The following SHC3 variants were observed in gnomAD, a reference collection of about 807,000 sequenced individuals.
SHC3 encodes the protein SHC-transforming protein 3.
SHC3 carries 15 observed loss-of-function variants against 60.4 expected under a neutral mutation model. The observed-to-expected ratio is 0.25, with a 90% CI of 0.17 to 0.38. SHC3 has a LOEUF of 0.38. Ranked by LOEUF, SHC3 falls within the 10% of genes least tolerant of loss-of-function variation. SHC3 has a pLI of 1.00. For missense variants in SHC3, 677 were observed against 786.1 expected, an observed-to-expected ratio of 0.86 and a Z score of 1.66; for synonymous variants, 294 against 325.9, an observed-to-expected ratio of 0.90 and a Z score of 1.05.
intron 5 of SHC3, 79 bp downstream of exon 5, chr9:89,071,120 G>T: frequency 4.4e-6 from 6 of 1,366,608 alleles, no homozygotes; most frequent in Non-Finnish European, 6.2e-6. Context: ...ACAGTGTCTT[G>T]CAAGGCATAT....
In SHC3 at chr9:89,150,584, C is replaced by G. The variant is rs575412977; in HGVS notation, c.474+27403G>C. On this transcript the variant is annotated intron_variant, in intron 1 of 11. Transcript: ENST00000375835. ...ATACTATTCCGTTGTATGTATATACCACCTTCTGTTCATCTATTCAGCAAT... is the reference window on the plus strand; with the variant it reads ...ATACTATTCCGTTGTATGTATATACGACCTTCTGTTCATCTATTCAGCAAT... Among the ~76,000 whole-genome samples, 3 of 152,280 alleles carry G rather than the reference C, an allele frequency of 2.0e-5. No individual in the cohort carries two copies. The East Asian group carries it at 5.8e-4, about 29-fold the overall frequency.
At chr9:89,163,509 C>T (rs1169733700) in intron 1 of SHC3, among the ~76,000 whole-genome samples, 1 of 144,546 alleles carries the variant, frequency 6.9e-6, no homozygotes, top group Non-Finnish European at 1.5e-5. Flanking sequence ...AAACCAAACA[C>T]CGCATATTCT....
chr9:89,123,904 T>C (rs1000160654), intron 1 of SHC3, among the ~76,000 whole-genome samples: 2 of 152,172 alleles, frequency 1.3e-5, no homozygotes, highest in African/African-American at 4.8e-5. Context: ...TATTATAATA[T>C]GAACATTTTA....
At chr9:89,117,494 CT>C (rs1464041625) in intron 1 of SHC3, among the ~76,000 whole-genome samples, 2 of 152,032 alleles carry the variant, frequency 1.3e-5, no homozygotes, top group Non-Finnish European at 2.9e-5. Flanking sequence ...AGTTATTTAT[CT>C]TTTTCTTTTA....
At chr9:89,172,013 A>G (rs1011919151) in intron 1 of SHC3, among the ~76,000 whole-genome samples, 1 of 152,246 alleles carries the variant, frequency 6.6e-6, no homozygotes, top group Non-Finnish European at 1.5e-5. Context: ...GCCAGCCAAG[A>G]AGAGCAGTGC....
chr9:89,078,551 G>T (rs17436134), intron 2 of SHC3, among the ~76,000 whole-genome samples: 265 of 152,258 alleles, frequency 1.7e-3, no homozygotes, highest in Non-Finnish European at 3.3e-3. Context: ...CGGTGGAGGA[G>T]GCAGAGTGTC....
At chr9:89,158,659 A>G (rs1826662092) in intron 1 of SHC3, among the ~76,000 whole-genome samples, 1 of 152,188 alleles carries the variant, frequency 6.6e-6, no homozygotes, top group African/African-American at 2.4e-5. Context: ...CTCCAACTAT[A>G]ATTGTGGATA....
rs1249049471 is a variant in SHC3, at chr9:89,005,780, C to T, written c.*7667G>A. 1 of 152,222 alleles carries T rather than the reference C, an allele frequency of 6.6e-6. No individual in the cohort carries two copies. Among genetic ancestry groups the T allele is most frequent in the Non-Finnish European group, 1.5e-5 (1 of 68,038 alleles). The allele number at this position is 152,222 out of a possible 1,614,324, so 9.4% of individuals were successfully genotyped here. ...TCATCCAAATGAAAGATACTTTTCACAACAGCCTTTATTGCCTGCAGACTT... is the reference window on the plus strand; with the variant it reads ...TCATCCAAATGAAAGATACTTTTCATAACAGCCTTTATTGCCTGCAGACTT... On this transcript the variant is annotated 3_prime_UTR_variant, in exon 12 of 12. Coordinates refer to ENST00000375835, the MANE Select transcript of SHC3 (RefSeq NM_016848.6).
intron 1 of SHC3, among the ~76,000 whole-genome samples, chr9:89,170,359 AT>A (rs1826851535): frequency 6.6e-6 from 1 of 152,232 alleles, no homozygotes; most frequent in South Asian, 2.1e-4. Context: ...AAAGATGCAT[AT>A]GTCGGCCTGG....
At chr9:89,123,125 AT>A (rs1826116045) in intron 1 of SHC3, among the ~76,000 whole-genome samples, 1 of 152,144 alleles carries the variant, frequency 6.6e-6, no homozygotes, top group Non-Finnish European at 1.5e-5. Context: ...ATATGATGCA[AT>A]TTTTGCTCTC....
intron 1 of SHC3, among the ~76,000 whole-genome samples, chr9:89,173,808 A>G (rs1826904887): frequency 2.0e-5 from 3 of 152,186 alleles, no homozygotes; most frequent in African/African-American, 7.2e-5. Flanking sequence ...AAAAAGAGAC[A>G]ACTCACTATC....
intron 1 of SHC3, among the ~76,000 whole-genome samples, chr9:89,114,759 CAG>C (rs1301230942): frequency 1.3e-5 from 2 of 152,028 alleles, no homozygotes; most frequent in African/African-American, 4.8e-5. Context: ...ACCAATGTTG[CAG>C]AGTTATATAA....
intron 1 of SHC3, among the ~76,000 whole-genome samples, chr9:89,118,619 C>T (rs1182458417): frequency 1.3e-5 from 2 of 149,916 alleles, no homozygotes; most frequent in African/African-American, 4.9e-5. Flanking sequence ...AAAAGTTTTC[C>T]AGGAGTAGGA....
intron 7 of SHC3, among the ~76,000 whole-genome samples, chr9:89,047,707 A>C (rs1045129266): frequency 2.0e-5 from 3 of 152,212 alleles, no homozygotes; most frequent in Non-Finnish European, 4.4e-5. Context: ...CTTCATGCCC[A>C]CTAGGGTAGC....
intron 1 of SHC3, among the ~76,000 whole-genome samples, chr9:89,149,471 C>T (rs1012273564): frequency 3.3e-5 from 5 of 152,126 alleles, no homozygotes; most frequent in Non-Finnish European, 7.4e-5. Context: ...GAGGCATGAT[C>T]AATCTCTCTG....
intron 9 of SHC3, among the ~76,000 whole-genome samples, chr9:89,042,813 G>A (rs968365492): frequency 1.3e-5 from 2 of 152,128 alleles, no homozygotes; most frequent in Non-Finnish European, 2.9e-5. Flanking sequence ...GCCAATGGGT[G>A]TGCTGAGGCT....
chr9:89,069,546 C>T (rs558699410), intron 5 of SHC3, among the ~76,000 whole-genome samples: 2 of 151,922 alleles, frequency 1.3e-5, no homozygotes, highest in African/African-American at 2.4e-5. Context: ...CAGGGCTAAA[C>T]AGTGCTCTGA....
chr9:89,111,811 T>G (rs1348557924), intron 2 of SHC3, among the ~76,000 whole-genome samples: 1 of 152,168 alleles, frequency 6.6e-6, no homozygotes, highest in Non-Finnish European at 1.5e-5. Flanking sequence ...CTGAGGTGAC[T>G]ATTTAAATTA....
chr9:89,123,112 G>T (rs927905250), intron 1 of SHC3, among the ~76,000 whole-genome samples: 4 of 152,176 alleles, frequency 2.6e-5, no homozygotes, highest in African/African-American at 9.7e-5. Flanking sequence ...ACATGCATGG[G>T]CTATATGATG....
Sources: gnomAD v4.1 joint callset for allele counts (sites outside exome capture counted in the v4.1 genomes callset) on GRCh38, gnomAD v4.1.1 for gene constraint, MANE v1.5 for transcripts, NCBI Gene and HGNC (gene_info 2026-07-23, HGNC 2026-07-21) for gene names.